Variants in BBS9 observed in about 807,000 individuals in gnomAD.
BBS9 encodes the protein Bardet-Biedl syndrome 9.
BBS9 carries 89 observed loss-of-function variants against 117.7 expected under a neutral mutation model. The observed-to-expected ratio is 0.76, with a 90% CI of 0.64 to 0.90. The LOEUF (loss-of-function observed/expected upper bound fraction) is 0.90, where lower values mean the gene tolerates loss of function less well. Ranked by LOEUF, BBS9 falls within the 40% of genes least tolerant of loss-of-function variation. The pLI is 0.00. For synonymous variants in BBS9, 379 were observed against 370.9 expected, an observed-to-expected ratio of 1.02 and a Z score of -0.25; for missense variants, 982 against 1,042.2, an observed-to-expected ratio of 0.94 and a Z score of 0.80.
intron 1 of BBS9, among the ~76,000 whole-genome samples, chr7:33,133,975 G>T (rs1790030946): frequency 6.6e-6 from 1 of 152,124 alleles, no homozygotes. Context: ...ATTACTATCT[G>T]ACTTCGATTC....
At chr7:33,171,624 G>GT (rs1033079036) in intron 4 of BBS9, among the ~76,000 whole-genome samples, 1 of 151,910 alleles carries the variant, frequency 6.6e-6, no homozygotes, top group Non-Finnish European at 1.5e-5. Flanking sequence ...TCAAATTATT[G>GT]TTTTTTAACA....
chr7:33,215,984 G>A (rs115722981), intron 5 of BBS9, among the ~76,000 whole-genome samples: 1,301 of 50,366 alleles, frequency 0.026, 16 homozygotes, highest in South Asian at 0.094. Flanking sequence ...AGAGAAGTCT[G>A]AATGCTGATT....
intron 16 of BBS9, among the ~76,000 whole-genome samples, chr7:33,358,885 C>T (rs1820114302): frequency 6.6e-6 from 1 of 151,774 alleles, no homozygotes; most frequent in Non-Finnish European, 1.5e-5. Flanking sequence ...TTATTAACTA[C>T]TTAAAGTGCT....
chr7:33,536,681 T>TCCC (rs1563323298), intron 21 of BBS9, among the ~76,000 whole-genome samples: 1 of 44,208 alleles, frequency 2.3e-5, no homozygotes, highest in African/African-American at 9.4e-5. Context: ...GATTCGGCCT[T>TCCC]CCCCCCGCCC....
At chr7:33,366,034 A>C (rs1439771426) in intron 16 of BBS9, among the ~76,000 whole-genome samples, 1 of 152,218 alleles carries the variant, frequency 6.6e-6, no homozygotes, top group Non-Finnish European at 1.5e-5. Context: ...ATGCACATTC[A>C]TGAAGTGACT....
chr7:33,333,053 T>G (rs1390542768), intron 9 of BBS9, among the ~76,000 whole-genome samples: 3 of 152,094 alleles, frequency 2.0e-5, no homozygotes, highest in Non-Finnish European at 4.4e-5. Context: ...ATCTGACTAC[T>G]CTAGGAATCT....
chr7:33,168,632 C>G (rs1219352368), intron 4 of BBS9, among the ~76,000 whole-genome samples: 3 of 152,100 alleles, frequency 2.0e-5, no homozygotes, highest in Non-Finnish European at 2.9e-5. Flanking sequence ...CTTAACCACA[C>G]AAGATTTCCA....
At position 33,344,577 on chromosome 7, in the gene BBS9, A is replaced by T. The variant is rs1292683454; in HGVS notation, c.1276-4A>T. On this transcript the variant is annotated splice_region_variant and splice_polypyrimidine_tract_variant and intron_variant, in intron 11 of 22. Coordinates refer to ENST00000242067, the MANE Select transcript of BBS9 (RefSeq NM_198428.3). ...TTCTTGCCTTCTCAATTCTGTGTTT[A>T]CAGCAAGCGACCGATGTTGAGGTGG... 3 of 1,613,966 alleles carry T rather than the reference A, an allele frequency of 1.9e-6. No homozygotes were observed. The South Asian group carries it at 3.3e-5, about 18-fold the overall frequency.
At chr7:33,306,876 G>A (rs183660535) in intron 9 of BBS9, among the ~76,000 whole-genome samples, 1 of 152,208 alleles carries the variant, frequency 6.6e-6, no homozygotes, top group Admixed American at 6.5e-5. Context: ...CATGATATAT[G>A]TTAGAAATAG....
intron 7 of BBS9, among the ~76,000 whole-genome samples, chr7:33,267,546 T>C (rs962120260): frequency 9.9e-5 from 15 of 152,062 alleles, no homozygotes; most frequent in Admixed American, 2.0e-4. Flanking sequence ...AGTGTTTGCT[T>C]TAGGGTTTCC....
At chr7:33,200,376 T>A (rs1377052149) in intron 5 of BBS9, among the ~76,000 whole-genome samples, 1 of 152,184 alleles carries the variant, frequency 6.6e-6, no homozygotes, top group Non-Finnish European at 1.5e-5. Context: ...AAGTTGATAA[T>A]GTTTACATGC....
chr7:33,558,723 C>T (rs192023376), intron 21 of BBS9, among the ~76,000 whole-genome samples: 102 of 152,170 alleles, frequency 6.7e-4, no homozygotes, highest in African/African-American at 2.4e-3. Flanking sequence ...CAGAAGCCCG[C>T]AGCATGTTGA....
chr7:33,604,313 A>G (rs1864258817), intron 21 of BBS9, among the ~76,000 whole-genome samples: 1 of 152,134 alleles, frequency 6.6e-6, no homozygotes, highest in African/African-American at 2.4e-5. Flanking sequence ...ATCTTCCACA[A>G]TGCAGTTCAT....
At chr7:33,582,890 A>G (rs921841915) in intron 21 of BBS9, among the ~76,000 whole-genome samples, 2 of 152,132 alleles carry the variant, frequency 1.3e-5, no homozygotes, top group Non-Finnish European at 2.9e-5. Flanking sequence ...TGGGAGCTCC[A>G]TACCACATCT....
intron 9 of BBS9, among the ~76,000 whole-genome samples, chr7:33,310,103 A>G (rs2128549882): frequency 6.6e-6 from 1 of 152,274 alleles, no homozygotes; most frequent in South Asian, 2.1e-4. Context: ...TCAAAATCCA[A>G]GCTTGCTTGC....
At chr7:33,307,133 T>C (rs1289667039) in intron 9 of BBS9, among the ~76,000 whole-genome samples, 1 of 152,204 alleles carries the variant, frequency 6.6e-6, no homozygotes, top group Admixed American at 6.5e-5. Context: ...ATTTGTAACC[T>C]ATATTTGCCT....
chr7:33,204,714 C>G (rs1395909312), intron 5 of BBS9, among the ~76,000 whole-genome samples: 1 of 152,096 alleles, frequency 6.6e-6, no homozygotes, highest in Non-Finnish European at 1.5e-5. Flanking sequence ...CCATTTGAAA[C>G]CAAAGTTGCA....
intron 19 of BBS9, among the ~76,000 whole-genome samples, chr7:33,403,491 G>A (rs1255945316): frequency 8.6e-6 from 1 of 116,844 alleles, no homozygotes; most frequent in Admixed American, 1.2e-4. Flanking sequence ...ACAGTCGCCA[G>A]AGTGTGATAT....
chr7:33,171,938 C>T (rs909673022), intron 4 of BBS9, among the ~76,000 whole-genome samples: 2 of 151,930 alleles, frequency 1.3e-5, no homozygotes, highest in African/African-American at 4.8e-5. Flanking sequence ...ATACCAGGTG[C>T]AATGGTCAGG....
Sources: allele counts gnomAD v4.1 joint callset (sites outside exome capture counted in the v4.1 genomes callset), GRCh38; gene constraint gnomAD v4.1.1; transcripts MANE v1.5; gene names NCBI Gene and HGNC (gene_info 2026-07-23, HGNC 2026-07-21).